The following ANKRD55 variants were observed in gnomAD, a reference collection of about 807,000 sequenced individuals.
ANKRD55 encodes ankyrin repeat domain 55.
A neutral mutation model predicts 60.6 loss-of-function variants in ANKRD55; 41 were observed. The ratio of observed to expected loss-of-function variants is 0.68; its 90% CI spans 0.53 to 0.88. The LOEUF is 0.88. Among genes scored for constraint, ANKRD55 ranks in the 40% least tolerant of loss-of-function variants. The pLI is 0.00. For missense variants in ANKRD55, 732 were observed against 767.6 expected (o/e 0.95, Z 0.55); for synonymous variants, 264 against 290.3 (o/e 0.91, Z 0.92).
At chr5:56,203,067 T>C (rs1759417805) in intron 2 of ANKRD55, among the ~76,000 whole-genome samples, 1 of 152,190 alleles carries the variant, frequency 6.6e-6, no homozygotes, top group Admixed American at 6.5e-5. Context: ...AGTACACATG[T>C]TCTGCTCAGA....
At chr5:56,116,910 G>T in intron 8 of ANKRD55, 128 bp from the exon 9 acceptor site, 1 of 992,054 alleles carries the variant, frequency 1.0e-6, no homozygotes, top group Non-Finnish European at 1.4e-6. Flanking sequence ...TTACAGTATA[G>T]AAATAGTAAG....
intron 2 of ANKRD55, among the ~76,000 whole-genome samples, chr5:56,200,292 T>C (rs556436204): frequency 6.6e-6 from 1 of 152,214 alleles, no homozygotes; most frequent in South Asian, 2.1e-4. Context: ...AATTCTGACC[T>C]TTATAAATAC....
intron 2 of ANKRD55, among the ~76,000 whole-genome samples, chr5:56,197,779 C>G (rs1170091530): frequency 6.6e-6 from 1 of 151,998 alleles, no homozygotes; most frequent in Non-Finnish European, 1.5e-5. Context: ...GAAAATAAAC[C>G]ACTGATCGGC....
intron 4 of ANKRD55, among the ~76,000 whole-genome samples, chr5:56,174,847 A>T (rs2111820354): frequency 1.3e-5 from 2 of 151,838 alleles, no homozygotes; most frequent in South Asian, 4.2e-4. Context: ...AAAAAAAAAA[A>T]AAAAAATTGC....
chr5:56,220,896 A>G (rs1482976330), intron 2 of ANKRD55, among the ~76,000 whole-genome samples: 3 of 152,218 alleles, frequency 2.0e-5, no homozygotes, highest in Non-Finnish European at 1.5e-5. Context: ...AGAACAGGAA[A>G]AAAAGATTCT....
chr5:56,196,904 C>G (rs1045637706), intron 2 of ANKRD55, among the ~76,000 whole-genome samples: 2 of 152,118 alleles, frequency 1.3e-5, no homozygotes, highest in African/African-American at 4.8e-5. Context: ...ATCAACATCA[C>G]CTGGGAACCT....
At chr5:56,138,636 C>T (rs1244511954) in intron 7 of ANKRD55, among the ~76,000 whole-genome samples, 1 of 152,162 alleles carries the variant, frequency 6.6e-6, no homozygotes, top group East Asian at 1.9e-4. Flanking sequence ...TTGGTATATT[C>T]ATGTAATGGA....
chr5:56,226,485 A>T (rs1262739697), intron 2 of ANKRD55, among the ~76,000 whole-genome samples: 1 of 150,822 alleles, frequency 6.6e-6, no homozygotes, highest in Non-Finnish European at 1.5e-5. Flanking sequence ...GACAAATGGG[A>T]TCTAATTAAA....
chr5:56,177,371 T>G (rs1295832111), intron 3 of ANKRD55, among the ~76,000 whole-genome samples: 1 of 152,174 alleles, frequency 6.6e-6, no homozygotes, highest in East Asian at 1.9e-4. Flanking sequence ...CCTTCCTTTC[T>G]TCCTGTCAAC....
intron 6 of ANKRD55, among the ~76,000 whole-genome samples, chr5:56,152,464 C>T (rs1238921669): frequency 6.6e-6 from 1 of 152,162 alleles, no homozygotes; most frequent in African/African-American, 2.4e-5. Flanking sequence ...AACAGTGCTT[C>T]TCTGGTTAAA....
chr5:56,215,861 A>T (rs1759793192), intron 2 of ANKRD55, among the ~76,000 whole-genome samples: 1 of 151,990 alleles, frequency 6.6e-6, no homozygotes, highest in Admixed American at 6.6e-5. Context: ...CTCTTTTTTT[A>T]ATTAGGAGTA....
chr5:56,208,480 A>G (rs952435820), intron 2 of ANKRD55, among the ~76,000 whole-genome samples: 1 of 152,100 alleles, frequency 6.6e-6, no homozygotes, highest in African/African-American at 2.4e-5. Context: ...GCTGGAGTGC[A>G]GTGGCACCAT....
At position 56,143,879 on chromosome 5, in the gene ANKRD55, T is replaced by C. The variant is rs770373905; in HGVS notation, c.534A>G (p.Thr178=). 1.9e-6 allele frequency: 3 copies of C among 1,614,150 alleles called. No individual in the cohort carries two copies. Among genetic ancestry groups the C allele is most frequent in the Middle Eastern group, 1.7e-4 (1 of 6,044 alleles). The part of the protein sequence containing the change: ...WAAFHNQPQH[T]QMLLKKGADP... The stretch of plus-strand genomic sequence containing the variant: ...CTGCCCCCTTCTTCAGCAGCATTTG[T>C]GTGTGTTGAGGCTGGTTGTGGAAAG... The change falls in exon 7 of 12, where the codon ACA becomes ACG. Residue 178 remains threonine, a synonymous_variant. Coordinates refer to ENST00000341048, the MANE Select transcript of ANKRD55 (RefSeq NM_024669.3).
chr5:56,231,260 G>C (rs986356944), intron 2 of ANKRD55, among the ~76,000 whole-genome samples: 4 of 152,190 alleles, frequency 2.6e-5, no homozygotes, highest in African/African-American at 9.7e-5. Flanking sequence ...CCCAGGTGGA[G>C]GAATTGCTGT....
chr5:56,221,874 C>A (rs1192640878), intron 2 of ANKRD55, among the ~76,000 whole-genome samples: 1 of 152,210 alleles, frequency 6.6e-6, no homozygotes, highest in African/African-American at 2.4e-5. Flanking sequence ...GAGCCCACCG[C>A]AGTTCAAGGA....
chr5:56,124,472 G>A (rs896763321), intron 8 of ANKRD55, among the ~76,000 whole-genome samples: 1 of 152,096 alleles, frequency 6.6e-6, no homozygotes, highest in Non-Finnish European at 1.5e-5. Context: ...ACATAAACCT[G>A]TGCAAACTTT....
At chr5:56,202,982 A>G (rs1759414720) in intron 2 of ANKRD55, among the ~76,000 whole-genome samples, 1 of 152,174 alleles carries the variant, frequency 6.6e-6, no homozygotes, top group African/African-American at 2.4e-5. Flanking sequence ...AATAATATTA[A>G]TTCTTAAAAA....
chr5:56,189,103 T>C (rs979720481), intron 2 of ANKRD55, among the ~76,000 whole-genome samples: 1 of 151,978 alleles, frequency 6.6e-6, no homozygotes, highest in Non-Finnish European at 1.5e-5. Context: ...ACGTGAAGAA[T>C]GGTTGAAGGA....
chr5:56,217,529 G>T (rs544361914), intron 2 of ANKRD55, among the ~76,000 whole-genome samples: 1 of 152,030 alleles, frequency 6.6e-6, no homozygotes, highest in East Asian at 1.9e-4. Context: ...GAAAACCTTT[G>T]CTCTATTAGT....
Sources: gnomAD v4.1 joint callset for allele counts (sites outside exome capture counted in the v4.1 genomes callset) on GRCh38, gnomAD v4.1.1 for gene constraint, MANE v1.5 for transcripts, NCBI Gene and HGNC (gene_info 2026-07-23, HGNC 2026-07-21) for gene names.